KCNK12: variants seen among roughly 807,000 people sequenced by gnomAD.
The protein encoded by KCNK12 is potassium two pore domain channel subfamily K member 12, also known as potassium channel subfamily K member 12.
In KCNK12, 6 loss-of-function variants were observed where a neutral mutation model predicts 25.3. The observed-to-expected ratio is 0.24, with a 90% confidence interval of 0.13 to 0.47. KCNK12 has a LOEUF of 0.47. KCNK12 is among the 20% of genes least tolerant of loss of function. The pLI is 0.99. For synonymous variants in KCNK12, 331 were observed against 311.1 expected (o/e 1.06, Z -0.67); for missense variants, 444 against 661.7 (o/e 0.67, Z 3.61).
intron 1 of KCNK12, chr2:47,527,652 G>A (rs1668817029): frequency 1.3e-5 from 2 of 152,266 alleles, no homozygotes; most frequent in South Asian, 4.1e-4. Context: ...TTCTGCCCAA[G>A]GCCATCTATT....
intron 1 of KCNK12, among the ~76,000 whole-genome samples, chr2:47,559,297 G>A (rs1293256221): frequency 1.3e-5 from 2 of 152,184 alleles, no homozygotes; most frequent in Non-Finnish European, 2.9e-5. Flanking sequence ...CCCAGCAGAG[G>A]GGCTCATGCA....
At chr2:47,523,862 G>T (rs1277400123) in intron 1 of KCNK12, among the ~76,000 whole-genome samples, 1 of 152,262 alleles carries the variant, frequency 6.6e-6, no homozygotes, top group Non-Finnish European at 1.5e-5. Context: ...CCTGTGCTCT[G>T]CCAGTGGGGT....
chr2:47,543,154 T>G (rs2104821088), intron 1 of KCNK12, among the ~76,000 whole-genome samples: 1 of 152,228 alleles, frequency 6.6e-6, no homozygotes. Flanking sequence ...TCAACGTAGC[T>G]GTGAATAAGG....
Position 47,518,226 on chromosome 2 carries a change from G to C in KCNK12, c.*2681C>G, listed in dbSNP as rs1668569361. On this transcript the variant is annotated 3_prime_UTR_variant, in exon 2 of 2. Transcript: ENST00000327876. The surrounding 1 kb of genome is among the most constrained non-coding windows in gnomAD (Gnocchi z 4.1). ...ATGGTGTGATGTATCATGGCAGTGT[G>C]ACTGAGACTGGATTGGGGGATGGGG... 6.6e-6 allele frequency: 1 copy of C among 152,400 alleles called. No homozygotes were observed. The highest frequency in any genetic ancestry group is 1.5e-5 in the Non-Finnish European group (1 of 68,206). The allele number at this position is 152,400 out of a possible 1,614,324, so 9.4% of individuals were successfully genotyped here.
In KCNK12 at chr2:47,547,033, G is replaced by A. The variant is rs935111380; in HGVS notation, c.391+22908C>T. On this transcript the variant is annotated intron_variant, in intron 1 of 1. Transcript: ENST00000327876. This position sits in a 1 kb window ranked among gnomAD's most constrained non-coding sequence, Gnocchi z 5.0. ...ACCCTCTGCCCCAAAAAGAAAGCCC[G>A]CAGTCCACAAGCCCCACCTATGCAC... Among the ~76,000 whole-genome samples the A allele has an allele frequency of 7.9e-5, 12 of 152,082 alleles. No homozygotes were observed. The highest frequency in any genetic ancestry group is 2.4e-4 in the African/African-American group (10 of 41,388).
chr2:47,549,936 A>T (rs1669391309), intron 1 of KCNK12, among the ~76,000 whole-genome samples: 1 of 149,570 alleles, frequency 6.7e-6, no homozygotes, highest in Non-Finnish European at 1.5e-5. Context: ...TCCACCTCGA[A>T]AAAAAAAAAA....
At position 47,548,625 on chromosome 2, in the gene KCNK12, C is replaced by T. The variant is rs192040094; in HGVS notation, c.391+21316G>A. ...ACACACTGACTTTCGCTTCAGGCCA[C>T]GAGGGCGTAGCTGAATCCAGACTTC... On this transcript the variant is annotated intron_variant, in intron 1 of 1. Coordinates refer to ENST00000327876, the MANE Select transcript of KCNK12 (RefSeq NM_022055.2). The surrounding 1 kb of genome is among the most constrained non-coding windows in gnomAD (Gnocchi z 4.4). Among the ~76,000 whole-genome samples, 18 of 152,312 alleles carry T rather than the reference C, an allele frequency of 1.2e-4. No individual in the cohort carries two copies. Among genetic ancestry groups the T allele is most frequent in the African/African-American group, 3.4e-4 (14 of 41,542 alleles).
chr2:47,531,779 A>T lies in KCNK12; in HGVS notation c.392-9971T>A, dbSNP rs527309104. Among the ~76,000 whole-genome samples, 6 of 152,328 alleles carry T rather than the reference A, an allele frequency of 3.9e-5. No homozygotes were observed. The East Asian group carries it at 1.2e-3, about 29-fold the overall frequency. On this transcript the variant is annotated intron_variant, in intron 1 of 1. Transcript: ENST00000327876. ...CCAGTTCTAGGCAAGATTAGGCAGC[A>T]CATAGGCCACATCCTCACTCCTGTG...
rs1314421361 is a variant in KCNK12, at chr2:47,520,784, A to AT, written c.*122dup. 5.0e-5 allele frequency: 36 copies of AT among 726,158 alleles called. No homozygotes were observed. The highest frequency in any genetic ancestry group is 2.2e-4 in the South Asian group (3 of 13,798). The allele number at this position is 726,158 out of a possible 1,614,324, so 45.0% of individuals were successfully genotyped here. ...GGCCAAATAGTATTTCTTTAAAAAA[A>AT]TTTTTTTTGTTTCATTTTATTGGAT... On this transcript the variant is annotated 3_prime_UTR_variant, in exon 2 of 2. Coordinates refer to ENST00000327876, the MANE Select transcript of KCNK12 (RefSeq NM_022055.2). The surrounding 1 kb of genome is among the most constrained non-coding windows in gnomAD (Gnocchi z 5.0).
Position 47,518,076 on chromosome 2 carries a change from C to T in KCNK12, c.*2831G>A, listed in dbSNP as rs1396872002. 6.6e-6 allele frequency: 1 copy of T among 152,136 alleles called. No individual in the cohort carries two copies. The highest frequency in any genetic ancestry group is 2.4e-5 in the African/African-American group (1 of 41,420). The allele number at this position is 152,136 out of a possible 1,614,324, so 9.4% of individuals were successfully genotyped here. A position where few individuals can be genotyped will look rare whatever the true frequency, so the allele number is the denominator to read the frequency against. ...TTGGCCTGAGGTTCAGAAGAACCTG[C>T]ACCAAAGAAAGGCATCCCTATCAAT... On this transcript the variant is annotated 3_prime_UTR_variant, in exon 2 of 2. Coordinates refer to ENST00000327876, the MANE Select transcript of KCNK12 (RefSeq NM_022055.2). The surrounding 1 kb of genome is among the most constrained non-coding windows in gnomAD (Gnocchi z 4.1).
At position 47,533,428 on chromosome 2, in the gene KCNK12, C is replaced by T. The variant is rs78559604; in HGVS notation, c.392-11620G>A. ...AAAAGCACCAAGCTTAGCTGGGAAG[C>T]ACGATGGGTGAGGCATGGACCTTAT... On this transcript the variant is annotated intron_variant, in intron 1 of 1. Coordinates refer to ENST00000327876, the MANE Select transcript of KCNK12 (RefSeq NM_022055.2). The surrounding 1 kb of genome is among the most constrained non-coding windows in gnomAD (Gnocchi z 4.7). Among the ~76,000 whole-genome samples, 2,434 of 152,324 alleles carry T rather than the reference C, an allele frequency of 0.016. 45 individuals carry two copies. The highest frequency in any genetic ancestry group is 0.041 in the African/African-American group (1,715 of 41,566).
intron 1 of KCNK12, among the ~76,000 whole-genome samples, chr2:47,554,360 GT>G (rs2104860730): frequency 6.6e-6 from 1 of 152,304 alleles, no homozygotes; most frequent in African/African-American, 2.4e-5. Context: ...GTGACTAGGG[GT>G]TAGTGGGGGA....
chr2:47,545,083 G>A (rs185381018), intron 1 of KCNK12, among the ~76,000 whole-genome samples: 7 of 152,264 alleles, frequency 4.6e-5, no homozygotes, highest in Admixed American at 6.5e-5. Context: ...GAGTCTCACC[G>A]TCTGGGTGGG....
At position 47,528,598 on chromosome 2, in the gene KCNK12, C is replaced by T. The variant is rs1668845017; in HGVS notation, c.392-6790G>A. Among the ~76,000 whole-genome samples the T allele has an allele frequency of 6.6e-6, 1 of 151,982 alleles. No individual in the cohort carries two copies. Among genetic ancestry groups the T allele is most frequent in the African/African-American group, 2.4e-5 (1 of 41,378 alleles). On this transcript the variant is annotated intron_variant, in intron 1 of 1. Transcript: ENST00000327876. The surrounding 1 kb of genome is among the most constrained non-coding windows in gnomAD (Gnocchi z 4.5). Reference sequence around the variant, plus strand: ...GCCACCCTGAGAATCTCCTCCTCCCCCTCAATCACACCCTGCAGAGGCGTG... The same window carrying T: ...GCCACCCTGAGAATCTCCTCCTCCCTCTCAATCACACCCTGCAGAGGCGTG...
At position 47,524,214 on chromosome 2, in the gene KCNK12, G is replaced by C. The variant is rs1668720863; in HGVS notation, c.392-2406C>G. Among the ~76,000 whole-genome samples, 3 of 152,214 alleles carry C rather than the reference G, an allele frequency of 2.0e-5. No individual in the cohort carries two copies. In the South Asian group the frequency reaches 6.2e-4, roughly 32 times the overall value. On this transcript the variant is annotated intron_variant, in intron 1 of 1. Transcript: ENST00000327876. Reference sequence around the variant, plus strand: ...TGCTACATTTTAAAGCCACACTCAAGTTCTTGAGTTTATAAAGAAATCAGC... The same window carrying C: ...TGCTACATTTTAAAGCCACACTCAACTTCTTGAGTTTATAAAGAAATCAGC...
At chr2:47,526,956 C>T (rs1322023281) in intron 1 of KCNK12, among the ~76,000 whole-genome samples, 1 of 152,136 alleles carries the variant, frequency 6.6e-6, no homozygotes, top group Non-Finnish European at 1.5e-5. Flanking sequence ...CCTGCATCAT[C>T]GCATGTCATC....
In KCNK12 at chr2:47,512,531, A is replaced by C. The variant is rs1573613943; in HGVS notation, c.*8376T>G. On this transcript the variant is annotated 3_prime_UTR_variant, in exon 2 of 2. Coordinates refer to ENST00000327876, the MANE Select transcript of KCNK12 (RefSeq NM_022055.2). ...CCTCAAAATGGAGCAGGAAGCTCTC[A>C]AAAATGGACCAGAAAGGGGTCAGGA... The C allele has an allele frequency of 7.4e-6, 10 of 1,351,322 alleles. No individual in the cohort carries two copies. The East Asian group carries it at 2.5e-4, about 34-fold the overall frequency. 83.7% of individuals were successfully genotyped at this position (1,351,322 alleles called of 1,614,324 possible). A position where few individuals can be genotyped will look rare whatever the true frequency, so the allele number is the denominator to read the frequency against.
chr2:47,539,774 A>G (rs1050008813), intron 1 of KCNK12, among the ~76,000 whole-genome samples: 4 of 152,214 alleles, frequency 2.6e-5, no homozygotes, highest in Non-Finnish European at 5.9e-5. Context: ...GGACGCAGGT[A>G]GGGGTGGCTG....
intron 1 of KCNK12, among the ~76,000 whole-genome samples, chr2:47,537,531 A>G (rs577697259): frequency 2.6e-5 from 4 of 152,112 alleles, no homozygotes; most frequent in South Asian, 2.1e-4. Flanking sequence ...GGGTTTCATC[A>G]TGTTGGCCAG....
Sources: gnomAD v4.1 joint callset for allele counts (sites outside exome capture counted in the v4.1 genomes callset) on GRCh38, gnomAD v4.1.1 for gene constraint, Gnocchi (gnomAD v3.1) non-coding constraint, MANE v1.5 for transcripts, NCBI Gene and HGNC (gene_info 2026-07-23, HGNC 2026-07-21) for gene names.